Variants in KDM1A observed in about 807,000 individuals in gnomAD.
KDM1A encodes the protein lysine demethylase 1A.
KDM1A carries 49 observed loss-of-function variants against 109.4 expected under a neutral mutation model. That is an observed-to-expected ratio of 0.45 (90% CI 0.36 to 0.57). KDM1A has a LOEUF of 0.57. Among genes scored for constraint, KDM1A ranks in the 20% least tolerant of loss-of-function variants. KDM1A has a pLI of 0.00. For missense variants in KDM1A, 668 were observed against 1,116.6 expected, an observed-to-expected ratio of 0.60 and a Z score of 5.73; for synonymous variants, 380 against 415.4, an observed-to-expected ratio of 0.91 and a Z score of 1.04.
intron 3 of KDM1A, 124 bp from the exon 4 acceptor site, chr1:23,050,263 T>G: frequency 2.0e-6 from 2 of 991,990 alleles, no homozygotes; most frequent in Non-Finnish European, 2.7e-6. Context: ...TTTCAGCTTT[T>G]GAGACAATTG....
chr1:23,079,271 G>A lies in KDM1A; in HGVS notation c.2055+94G>A, dbSNP rs1643552375. The A allele has an allele frequency of 2.3e-6, 3 of 1,330,204 alleles. No homozygotes were observed. Among genetic ancestry groups the A allele is most frequent in the Non-Finnish European group, 3.1e-6 (3 of 961,168 alleles). 82.4% of individuals were successfully genotyped at this position (1,330,204 alleles called of 1,614,324 possible). On this transcript the variant is annotated intron_variant, in intron 17 of 20. Transcript: ENST00000400181. This position sits in a 1 kb window ranked among gnomAD's most constrained non-coding sequence, Gnocchi z 5.6. ...TGAGGAGGTGGCCTTGCATTTTTGGGCATTTGGCTATGCTCCCAATTGTGA... is the reference window on the plus strand; with the variant it reads ...TGAGGAGGTGGCCTTGCATTTTTGGACATTTGGCTATGCTCCCAATTGTGA...
At chr1:23,071,006 G>C (rs1320053728) in intron 12 of KDM1A, among the ~76,000 whole-genome samples, 2 of 152,130 alleles carry the variant, frequency 1.3e-5, no homozygotes, top group Admixed American at 6.5e-5. Flanking sequence ...TTATCAGATA[G>C]AGTTGTGGTA....
chr1:23,042,252 T>C (rs989015237), intron 2 of KDM1A, among the ~76,000 whole-genome samples: 1 of 151,966 alleles, frequency 6.6e-6, no homozygotes, highest in Non-Finnish European at 1.5e-5. Flanking sequence ...GAAACATAAT[T>C]TGAACGATAA....
chr1:23,041,526 T>G, intron 2 of KDM1A, among the ~76,000 whole-genome samples: 1 of 128,850 alleles, frequency 7.8e-6, no homozygotes, highest in Admixed American at 9.5e-5. Flanking sequence ...CACTGCAACC[T>G]CCACCTCCCG....
At chr1:23,068,933 C>G (rs1643228874) in intron 11 of KDM1A, 128 bp from the exon 12 acceptor site, 1 of 656,868 alleles carries the variant, frequency 1.5e-6, no homozygotes. Flanking sequence ...TTCCAACTAG[C>G]CAACTTTCTT....
At chr1:23,029,379 C>A (rs1018754937) in intron 1 of KDM1A, among the ~76,000 whole-genome samples, 7 of 151,992 alleles carry the variant, frequency 4.6e-5, no homozygotes, top group Non-Finnish European at 8.8e-5. Flanking sequence ...GCTGTAGTTT[C>A]TTTTATTAGG....
intron 3 of KDM1A, 54 bp downstream of exon 3, chr1:23,044,540 A>T: frequency 6.8e-7 from 1 of 1,474,996 alleles, no homozygotes; most frequent in Non-Finnish European, 9.2e-7. Flanking sequence ...CCAAGTAGGA[A>T]TTGATGCTTG....
intron 7 of KDM1A, among the ~76,000 whole-genome samples, chr1:23,057,074 A>T (rs1642852730): frequency 6.6e-6 from 1 of 152,148 alleles, no homozygotes. Context: ...TAAGAGTCAG[A>T]TTACAGTGGT....
At chr1:23,077,203 A>G (rs1245465748) in intron 15 of KDM1A, 25 bp from the exon 16 acceptor site, 6 of 1,604,608 alleles carry the variant, frequency 3.7e-6, no homozygotes, top group Non-Finnish European at 3.4e-6. Context: ...AAGGTTGGAA[A>G]TATGTTCTTT....
chr1:23,050,503 T>G lies in KDM1A; in HGVS notation c.694T>G (p.Phe232Val). The change falls in exon 4 of 21, where the codon TTC (phenylalanine) becomes GTC (valine). Residue 232 changes from phenylalanine (F) to valine (V), a missense_variant. Physicochemically the swap from Phe to Val is conservative, Grantham distance 50 (BLOSUM62 -1). Transcript: ENST00000400181. ...GPQQTQKVFL[F>V]IRNRTLQLWL... ...ACAACAGACCCAGAAGGTTTTTCTT[T>G]TCATTAGAAACCGCACAGTAAGTTT... 1 of 1,609,600 alleles carries G rather than the reference T, an allele frequency of 6.2e-7. No individual in the cohort carries two copies. The highest frequency in any genetic ancestry group is 8.5e-7 in the Non-Finnish European group (1 of 1,178,056).
At chr1:23,060,083 G>A (rs376526579) in intron 9 of KDM1A, among the ~76,000 whole-genome samples, 19 of 152,236 alleles carry the variant, frequency 1.2e-4, no homozygotes, top group African/African-American at 4.3e-4. Context: ...CCACCATCAT[G>A]GTCCAAATTT....
At chr1:23,020,249 T>G in intron 1 of KDM1A, 1 of 248,804 alleles carries the variant, frequency 4.0e-6, no homozygotes, top group Non-Finnish European at 7.7e-6. Flanking sequence ...TTTTCTTGAC[T>G]GGAAAATGGC....
rs768673950 is a variant in KDM1A at position 23,081,579 on chromosome 1, T to C, written c.2298+6T>C. 6.2e-7 allele frequency: 1 copy of C among 1,613,852 alleles called. No homozygotes were observed. The highest frequency in any genetic ancestry group is 1.3e-5 in the African/African-American group (1 of 74,904). On this transcript the variant is annotated splice_donor_region_variant and intron_variant, in intron 19 of 20. Transcript: ENST00000400181. ...GTAGCAGTGCAGTACCTCAGGTAAG[T>C]AGGTAGGTGGGGCAAGGAGGGATCT...
chr1:23,059,312 T>C (rs1369415639), intron 9 of KDM1A, 145 bp downstream of exon 9: 3 of 737,588 alleles, frequency 4.1e-6, no homozygotes, highest in Non-Finnish European at 7.5e-6. Context: ...GATGTGATGT[T>C]ATTCTGGTTG....
chr1:23,030,632 C>G lies in KDM1A; in HGVS notation c.515C>G (p.Ser172Trp), dbSNP rs1362999604. 2 of 1,547,964 alleles carry G rather than the reference C, an allele frequency of 1.3e-6. No individual in the cohort carries two copies. Among genetic ancestry groups the G allele is most frequent in the Non-Finnish European group, 1.7e-6 (2 of 1,154,456 alleles). The change falls in exon 2 of 21, where the codon TCG (serine) becomes TGG (tryptophan). Residue 172 changes from serine to tryptophan, a missense_variant and splice_region_variant. By Grantham distance (177) the Ser-to-Trp change is radical. This residue lies in a region of KDM1A where 149 missense variants were observed against 189.7 expected (regional missense o/e 0.79). Coordinates refer to ENST00000400181, the MANE Select transcript of KDM1A (RefSeq NM_001009999.3). ...EENESEPEEP[S>W]GQAGGLQDDS... Reference sequence around the variant, plus strand: ...AATGAAAGTGAGCCTGAAGAACCATCGGGTGAGTTGTAGTATCCAACCACA... The same window carrying G: ...AATGAAAGTGAGCCTGAAGAACCATGGGGTGAGTTGTAGTATCCAACCACA...
At chr1:23,057,007 A>G (rs1397482757) in intron 7 of KDM1A, among the ~76,000 whole-genome samples, 1 of 152,076 alleles carries the variant, frequency 6.6e-6, no homozygotes, top group Non-Finnish European at 1.5e-5. Flanking sequence ...CTGGAGAACC[A>G]TTTGTCAGAA....
intron 1 of KDM1A, among the ~76,000 whole-genome samples, chr1:23,024,309 C>G (rs532393166): frequency 6.6e-6 from 1 of 152,112 alleles, no homozygotes; most frequent in Non-Finnish European, 1.5e-5. Flanking sequence ...ACTATCCAGT[C>G]TTGGGATCCA....
chr1:23,058,488 G>A (rs1436265674), intron 8 of KDM1A, among the ~76,000 whole-genome samples: 1 of 152,164 alleles, frequency 6.6e-6, no homozygotes, highest in African/African-American at 2.4e-5. Flanking sequence ...AGATAGGTTA[G>A]TAGCTTTATG....
chr1:23,059,483 C>G (rs1175794157), intron 9 of KDM1A: 4 of 373,500 alleles, frequency 1.1e-5, no homozygotes, highest in Non-Finnish European at 2.1e-5. Context: ...GGAATTGAAA[C>G]CTGATTCTTC....
Sources: gnomAD v4.1 joint callset for allele counts (sites outside exome capture counted in the v4.1 genomes callset) on GRCh38, gnomAD v4.1.1 for gene constraint, gnomAD v4.1.1 regional missense constraint, Gnocchi (gnomAD v3.1) non-coding constraint, MANE v1.5 for transcripts, NCBI Gene and HGNC (gene_info 2026-07-23, HGNC 2026-07-21) for gene names.